CMIP: variants seen among roughly 807,000 people sequenced by gnomAD.
CMIP encodes c-Maf inducing protein.
In CMIP, 13 loss-of-function variants were observed where a neutral mutation model predicts 97.3. That is an observed-to-expected ratio of 0.13 (90% CI 0.09 to 0.21). The LOEUF (loss-of-function observed/expected upper bound fraction) is 0.21, where lower values mean the gene tolerates loss of function less well. Ranked by LOEUF, CMIP falls within the 10% of genes least tolerant of loss-of-function variation. The probability of loss-of-function intolerance (pLI) is 1.00; values close to 1 mark genes in which losing one functional copy is unlikely to be tolerated. For synonymous variants in CMIP, 538 were observed against 436.3 expected (o/e 1.23, Z -2.91); for missense variants, 847 against 1,024.9 (o/e 0.83, Z 2.37).
chr16:81,604,438 G>T (rs2091708734), intron 1 of CMIP, among the ~76,000 whole-genome samples: 1 of 148,378 alleles, frequency 6.7e-6, no homozygotes, highest in South Asian at 2.1e-4. Flanking sequence ...GGTGGCTTAT[G>T]CCTGTAATCC....
Position 81,703,919 on chromosome 16 carries a change from T to G in CMIP, c.1945-20T>G. The G allele has an allele frequency of 6.3e-7, 1 of 1,584,362 alleles. No individual in the cohort carries two copies. The highest frequency in any genetic ancestry group is 8.6e-7 in the Non-Finnish European group (1 of 1,169,546). ...GAACTCCCAGCAGCACCCTCAGGCC[T>G]CTCCCCCGTCTGCCCGCAGGACGCT... On this transcript the variant is annotated intron_variant, in intron 17 of 20. Transcript: ENST00000537098.
intron 1 of CMIP, among the ~76,000 whole-genome samples, chr16:81,467,929 C>T (rs548231487): frequency 2.0e-5 from 3 of 149,116 alleles, no homozygotes; most frequent in Non-Finnish European, 4.4e-5. Flanking sequence ...CTGTATTTCC[C>T]AGGCTGGAGT....
chr16:81,463,744 G>A (rs947150130), intron 1 of CMIP: 1 of 152,234 alleles, frequency 6.6e-6, no homozygotes, highest in South Asian at 2.1e-4. Context: ...TGGCCTCCAG[G>A]GTCACATGGC....
intron 7 of CMIP, chr16:81,664,604 G>C: frequency 1.7e-6 from 1 of 586,368 alleles, no homozygotes; most frequent in Non-Finnish European, 3.0e-6. Flanking sequence ...GAAGAGGAAA[G>C]CCTCCCGGGA....
At chr16:81,613,155 C>T (rs887695454) in intron 2 of CMIP, among the ~76,000 whole-genome samples, 5 of 152,230 alleles carry the variant, frequency 3.3e-5, no homozygotes, top group African/African-American at 1.2e-4. Flanking sequence ...TTTTTGGCTC[C>T]ATCAGCCTCC....
At chr16:81,502,980 G>T (rs1203300388) in intron 1 of CMIP, among the ~76,000 whole-genome samples, 1 of 152,116 alleles carries the variant, frequency 6.6e-6, no homozygotes, top group South Asian at 2.1e-4. Flanking sequence ...ATATGTTTGC[G>T]TGATGTCGTG....
chr16:81,663,944 C>G (rs985327999), intron 6 of CMIP, among the ~76,000 whole-genome samples: 2 of 152,126 alleles, frequency 1.3e-5, no homozygotes, highest in Non-Finnish European at 2.9e-5. Flanking sequence ...TGCTGGCCTG[C>G]GTGCCCAGGG....
At chr16:81,498,734 A>G (rs1040148381) in intron 1 of CMIP, among the ~76,000 whole-genome samples, 71 of 152,092 alleles carry the variant, frequency 4.7e-4, no homozygotes, top group Non-Finnish European at 2.1e-4. Context: ...CCCAGGCGTC[A>G]TGTATACACA....
intron 1 of CMIP, among the ~76,000 whole-genome samples, chr16:81,457,283 C>T (rs936892544): frequency 6.6e-6 from 1 of 152,048 alleles, no homozygotes; most frequent in African/African-American, 2.4e-5. Flanking sequence ...TCGCCTTTGC[C>T]TCTTGCCTTC....
intron 1 of CMIP, among the ~76,000 whole-genome samples, chr16:81,557,295 G>A (rs1002505287): frequency 3.2e-5 from 4 of 125,750 alleles, no homozygotes; most frequent in African/African-American, 6.0e-5. Context: ...ATTCACTCGT[G>A]TTGGTTGAAT....
intron 19 of CMIP, among the ~76,000 whole-genome samples, chr16:81,706,442 C>A (rs974945316): frequency 2.0e-5 from 3 of 152,212 alleles, no homozygotes; most frequent in Non-Finnish European, 1.5e-5. Context: ...CGGCAGCGCT[C>A]GGCCAGTTTG....
At chr16:81,489,487 G>A (rs999586068) in intron 1 of CMIP, among the ~76,000 whole-genome samples, 2 of 152,228 alleles carry the variant, frequency 1.3e-5, no homozygotes, top group African/African-American at 2.4e-5. Context: ...ACCAGCAGGA[G>A]AGGTCTCCTT....
At chr16:81,674,462 G>A (rs1448667832) in intron 9 of CMIP, among the ~76,000 whole-genome samples, 3 of 152,098 alleles carry the variant, frequency 2.0e-5, no homozygotes, top group Non-Finnish European at 2.9e-5. Context: ...AGAGTGTGCA[G>A]GAGCCAGCTC....
intron 10 of CMIP, among the ~76,000 whole-genome samples, chr16:81,688,383 A>G (rs1345527627): frequency 6.6e-6 from 1 of 152,232 alleles, no homozygotes; most frequent in Non-Finnish European, 1.5e-5. Context: ...CTAAGATCAC[A>G]GCCGTGGCCT....
chr16:81,521,400 G>A (rs762049377), intron 1 of CMIP, among the ~76,000 whole-genome samples: 11 of 151,594 alleles, frequency 7.3e-5, no homozygotes, highest in South Asian at 2.1e-4. Context: ...TAGCAAACAC[G>A]AGCTGCCCCC....
At chr16:81,507,035 G>A (rs2089722736) in intron 1 of CMIP, among the ~76,000 whole-genome samples, 1 of 152,122 alleles carries the variant, frequency 6.6e-6, no homozygotes, top group African/African-American at 2.4e-5. Context: ...GGTGGATCAC[G>A]AGGTCAGGAG....
chr16:81,703,773 G>A (rs1046057771), intron 17 of CMIP, 166 bp from the exon 18 acceptor site: 27 of 892,426 alleles, frequency 3.0e-5, no homozygotes, highest in South Asian at 1.6e-4. Flanking sequence ...CACCCCCTTG[G>A]CCCATCCCAC....
At chr16:81,509,363 G>C (rs2089768761) in intron 1 of CMIP, among the ~76,000 whole-genome samples, 1 of 152,206 alleles carries the variant, frequency 6.6e-6, no homozygotes, top group Non-Finnish European at 1.5e-5. Flanking sequence ...GTGTGTCTGG[G>C]GGCTTGCTTC....
At chr16:81,648,457 A>T (rs2092390308) in intron 3 of CMIP, among the ~76,000 whole-genome samples, 2 of 152,006 alleles carry the variant, frequency 1.3e-5, no homozygotes, top group South Asian at 4.2e-4. Flanking sequence ...TGGCTGTGGG[A>T]TCACTTTGGC....
Sources: allele counts gnomAD v4.1 joint callset (sites outside exome capture counted in the v4.1 genomes callset), GRCh38; gene constraint gnomAD v4.1.1; transcripts MANE v1.5; gene names NCBI Gene and HGNC (gene_info 2026-07-23, HGNC 2026-07-21).